Variants in MTMR7 observed in about 807,000 individuals in gnomAD.
MTMR7 encodes the protein phosphatidylinositol-3-phosphate phosphatase MTMR7.
Under a neutral mutation model 81.2 loss-of-function variants are expected in MTMR7, and 76 were observed. That is an observed-to-expected ratio of 0.94 (90% CI 0.78 to 1.13). The LOEUF is 1.13. MTMR7 is among the 50% of genes most tolerant of loss of function. The probability of loss-of-function intolerance (pLI) is 0.00; values close to 1 mark genes in which losing one functional copy is unlikely to be tolerated. For synonymous variants in MTMR7, 372 were observed against 289.8 expected (o/e 1.28, Z -2.88); for missense variants, 1,044 against 820.0 (o/e 1.27, Z -3.34).
At position 17,300,039 on chromosome 8, in the gene MTMR7, A is replaced by G. The variant is rs932726089; in HGVS notation, c.1806T>C (p.Ala602=). 1 of 1,614,122 alleles carries G rather than the reference A, an allele frequency of 6.2e-7. No individual in the cohort carries two copies. The change falls in exon 14 of 14, where the codon GCT becomes GCC. Residue 602 remains alanine (A), a synonymous_variant. Coordinates refer to ENST00000180173, the MANE Select transcript of MTMR7 (RefSeq NM_004686.5). ...TCAGATTGTCTTGGGTTAGAATCAGAGCAGAATCTTCATCGCCTTGTGAAG... is the reference window on the plus strand; with the variant it reads ...TCAGATTGTCTTGGGTTAGAATCAGGGCAGAATCTTCATCGCCTTGTGAAG... ...RSPSQGDEDS[A]LILTQDNLKS... is the part of the protein sequence containing the mutation.
intron 6 of MTMR7, among the ~76,000 whole-genome samples, chr8:17,336,574 A>G (rs997353329): frequency 1.3e-5 from 2 of 152,326 alleles, no homozygotes; most frequent in African/African-American, 2.4e-5. Flanking sequence ...AATTCCAGAG[A>G]AAAAGAAAAA....
intron 4 of MTMR7, among the ~76,000 whole-genome samples, chr8:17,358,024 G>T (rs1819948016): frequency 6.6e-6 from 1 of 151,968 alleles, no homozygotes; most frequent in African/African-American, 2.4e-5. Context: ...AGCAAATACA[G>T]GGAAAAACCA....
At position 17,304,402 on chromosome 8, in the gene MTMR7, T is replaced by G. The variant is rs1265964630; in HGVS notation, c.1470A>C (p.Thr490=). Residue 490 remains threonine (T), a synonymous_variant, in exon 12 of 14, where the codon ACA becomes ACC. Transcript: ENST00000180173. The part of the protein sequence containing the change: ...SQTQGTLHLP[T]TPCNFMYKFW... Reference sequence around the variant, plus strand: ...ACTTGTACATGAAGTTACATGGTGTTGTAGGGAGATGAAGGGTTCCCTGAG... The same window carrying G: ...ACTTGTACATGAAGTTACATGGTGTGGTAGGGAGATGAAGGGTTCCCTGAG... 3 of 1,613,796 alleles carry G rather than the reference T, an allele frequency of 1.9e-6. No individual in the cohort carries two copies. In the African/African-American group the frequency reaches 4.0e-5, roughly 22 times the overall value.
chr8:17,406,381 A>C (rs749720140), intron 1 of MTMR7, among the ~76,000 whole-genome samples: 8 of 152,340 alleles, frequency 5.3e-5, no homozygotes, highest in Non-Finnish European at 1.2e-4. Context: ...TGATAAGCAC[A>C]CGAAAACATG....
intron 3 of MTMR7, among the ~76,000 whole-genome samples, chr8:17,363,909 A>G (rs1364409628): frequency 6.7e-6 from 1 of 150,220 alleles, no homozygotes; most frequent in East Asian, 2.0e-4. Flanking sequence ...CAAGCTTAAA[A>G]AAAAAAAACC....
At position 17,299,053 on chromosome 8, in the gene MTMR7, C is replaced by G. The variant is rs1406743447; in HGVS notation, c.*809G>C. 3 of 152,110 alleles carry G rather than the reference C, an allele frequency of 2.0e-5. No individual in the cohort carries two copies. Among genetic ancestry groups the G allele is most frequent in the Admixed American group, 6.5e-5 (1 of 15,276 alleles). The allele number at this position is 152,110 out of a possible 1,614,324, so 9.4% of individuals were successfully genotyped here. On this transcript the variant is annotated 3_prime_UTR_variant, in exon 14 of 14. Coordinates refer to ENST00000180173, the MANE Select transcript of MTMR7 (RefSeq NM_004686.5). ...CTTTGAGATCAGGCTGGTGGCTGGC[C>G]CACACTGTCGGTAGTGTAGTCTCTA...
At chr8:17,408,520 G>C (rs1472853724) in intron 1 of MTMR7, among the ~76,000 whole-genome samples, 2 of 151,806 alleles carry the variant, frequency 1.3e-5, no homozygotes, top group Non-Finnish European at 2.9e-5. Flanking sequence ...ACTGCTAGAT[G>C]ACATCAAACT....
chr8:17,340,673 T>C (rs192056212), intron 6 of MTMR7, among the ~76,000 whole-genome samples: 70 of 152,324 alleles, frequency 4.6e-4, no homozygotes, highest in African/African-American at 1.6e-3. Context: ...TGTCTAGATA[T>C]ATTATTTCCT....
At chr8:17,373,352 T>G in intron 1 of MTMR7, 112 bp from the exon 2 acceptor site, 15 of 1,327,654 alleles carry the variant, frequency 1.1e-5, no homozygotes, top group Non-Finnish European at 1.3e-5. Flanking sequence ...TTTTTGAGAA[T>G]TCCCCCAATA....
chr8:17,345,867 G>C lies in MTMR7; in HGVS notation c.597+3086C>G, dbSNP rs1453724089. Reference sequence around the variant, plus strand: ...AAAGTGTCCCTTTGGTAGCATACGTGGGAAACAGTATTTTCACTATAAAAT... The same window carrying C: ...AAAGTGTCCCTTTGGTAGCATACGTCGGAAACAGTATTTTCACTATAAAAT... On this transcript the variant is annotated intron_variant, in intron 5 of 13. Transcript: ENST00000180173. 7 of 152,240 alleles carry C rather than the reference G, an allele frequency of 4.6e-5. No homozygotes were observed. The East Asian group carries it at 1.4e-3, about 29-fold the overall frequency. 9.4% of individuals were successfully genotyped at this position (152,240 alleles called of 1,614,324 possible).
chr8:17,347,833 G>GGC (rs1447522623), intron 5 of MTMR7, among the ~76,000 whole-genome samples: 1 of 121,796 alleles, frequency 8.2e-6, no homozygotes, highest in African/African-American at 5.0e-5. Context: ...ATGAAAGGGA[G>GGC]GTGTCACGTG....
chr8:17,403,130 T>G (rs1455648305), intron 1 of MTMR7, among the ~76,000 whole-genome samples: 1 of 152,210 alleles, frequency 6.6e-6, no homozygotes, highest in African/African-American at 2.4e-5. Flanking sequence ...TTTGAGCCCC[T>G]TATATATTCT....
chr8:17,330,747 G>A (rs192835503), intron 7 of MTMR7, among the ~76,000 whole-genome samples: 11 of 152,090 alleles, frequency 7.2e-5, no homozygotes, highest in East Asian at 3.9e-4. Context: ...TTCTCCCTTC[G>A]AATGGCCATT....
In MTMR7 at chr8:17,304,387, G is replaced by A. The variant is rs1289594976; in HGVS notation, c.1485C>T (p.Phe495=). The change falls in exon 12 of 14, where the codon TTC becomes TTT. Residue 495 remains phenylalanine (F), a synonymous_variant. Transcript: ENST00000180173. ...TLHLPTTPCN[F]MYKFWSGMYN... ...ACCAAGGATTTACATACTTGTACAT[G>A]AAGTTACATGGTGTTGTAGGGAGAT... The A allele has an allele frequency of 6.2e-7, 1 of 1,612,076 alleles. No homozygotes were observed. The highest frequency in any genetic ancestry group is 1.3e-5 in the African/African-American group (1 of 74,890).
In MTMR7 at chr8:17,350,542, A is replaced by T. The variant is rs370900677; in HGVS notation, c.469-1461T>A. Among the ~76,000 whole-genome samples, 24 of 152,274 alleles carry T rather than the reference A, an allele frequency of 1.6e-4. No individual in the cohort carries two copies. In the South Asian group the frequency reaches 2.1e-3, roughly 13 times the overall value. On this transcript the variant is annotated intron_variant, in intron 4 of 13. Transcript: ENST00000180173. ...TACCTCCCACCGGGTCCCTCCCATG[A>T]CATGTTGGGATTATGGGAGCTACGA...
chr8:17,299,805 C>CTTGTT lies in MTMR7; in HGVS notation c.*52_*56dup. ...TTTTTACAATAAACCACCTTGTTCC[C>CTTGTT]TTGTTTTTGGAAGTGTTGCTTATGT... is the stretch of plus-strand genomic sequence containing the variant. On this transcript the variant is annotated 3_prime_UTR_variant, in exon 14 of 14. Coordinates refer to ENST00000180173, the MANE Select transcript of MTMR7 (RefSeq NM_004686.5). 6.3e-7 allele frequency: 1 copy of CTTGTT among 1,589,260 alleles called. No homozygotes were observed.
chr8:17,364,481 T>C (rs531271241), intron 3 of MTMR7, among the ~76,000 whole-genome samples: 7 of 152,320 alleles, frequency 4.6e-5, no homozygotes, highest in Admixed American at 3.9e-4. Flanking sequence ...TACTGAACTA[T>C]TACCTATACT....
Position 17,302,187 on chromosome 8 carries a change from C to T in MTMR7, c.1587G>A (p.Gln529=), listed in dbSNP as rs780026835. 5 of 1,614,032 alleles carry T rather than the reference C, an allele frequency of 3.1e-6. No homozygotes were observed. The South Asian group carries it at 3.3e-5, about 11-fold the overall frequency. The change falls in exon 13 of 14, where the codon CAG becomes CAA. Residue 529 remains glutamine (Q), a synonymous_variant. Transcript: ENST00000180173. ...GGGCCTCTAGTTCTTCCTCTAGCTG[C>T]TGAGTTTCTTCCTTCACTGCCATTA... ...DYLMAVKEET[Q]QLEEELEALE... is the part of the protein sequence containing the mutation.
intron 6 of MTMR7, among the ~76,000 whole-genome samples, chr8:17,331,892 T>C (rs1486286075): frequency 1.3e-5 from 2 of 152,182 alleles, no homozygotes; most frequent in Non-Finnish European, 2.9e-5. Flanking sequence ...TAGAGATCTA[T>C]TGGGCTTTTT....
Sources: gnomAD v4.1 joint callset for allele counts (sites outside exome capture counted in the v4.1 genomes callset) on GRCh38, gnomAD v4.1.1 for gene constraint, MANE v1.5 for transcripts, NCBI Gene and HGNC (gene_info 2026-07-23, HGNC 2026-07-21) for gene names.